Variants in CLNK observed in about 807,000 individuals in gnomAD.
The protein encoded by CLNK is cytokine dependent hematopoietic cell linker.
A neutral mutation model predicts 68.6 loss-of-function variants in CLNK; 74 were observed. That is an observed-to-expected ratio of 1.08 (90% CI 0.89 to 1.31). The LOEUF is 1.31. Among genes scored for constraint, CLNK ranks in the 50% most tolerant of loss-of-function variants. The pLI, the probability that CLNK is intolerant of heterozygous loss-of-function variation, is 0.00. For missense variants in CLNK, 553 were observed against 515.3 expected (o/e 1.07, Z -0.71); for synonymous variants, 198 against 172.2 (o/e 1.15, Z -1.17).
At chr4:10,510,597 G>A (rs1382081410) in intron 16 of CLNK, among the ~76,000 whole-genome samples, 6 of 152,150 alleles carry the variant, frequency 3.9e-5, no homozygotes, top group Admixed American at 2.0e-4. Flanking sequence ...GGTCAGACAC[G>A]CCTCATAGCT....
chr4:10,679,387 A>ATGTT (rs1725003613), intron 1 of CLNK, among the ~76,000 whole-genome samples: 1 of 152,272 alleles, frequency 6.6e-6, no homozygotes, highest in Non-Finnish European at 1.5e-5. Context: ...AAAGACTTAC[A>ATGTT]TGTTAGACCT....
At chr4:10,728,000 T>A in the CLNK span, among the ~76,000 whole-genome samples, 1 of 152,146 alleles carries the variant, frequency 6.6e-6, no homozygotes, top group Non-Finnish European at 1.5e-5. Context: ...TACACATGGA[T>A]AGACACGAAA....
At chr4:10,650,939 A>G (rs1247509005) in intron 2 of CLNK, among the ~76,000 whole-genome samples, 1 of 152,222 alleles carries the variant, frequency 6.6e-6, no homozygotes, top group Non-Finnish European at 1.5e-5. Context: ...CGGTCAACAA[A>G]CATGAAAAAA....
intron 2 of CLNK, among the ~76,000 whole-genome samples, chr4:10,622,463 C>T (rs773911168): frequency 1.3e-4 from 20 of 152,184 alleles, no homozygotes; most frequent in Non-Finnish European, 2.8e-4. Flanking sequence ...CAACTCATGG[C>T]TAACTGCAAT....
chr4:10,686,396 G>T (rs1460238930), upstream of CLNK, among the ~76,000 whole-genome samples: 1 of 151,982 alleles, frequency 6.6e-6, no homozygotes, highest in Admixed American at 6.6e-5. Flanking sequence ...AACAAGACCT[G>T]ATCATCTGGT....
chr4:10,709,718 A>G, the CLNK span, among the ~76,000 whole-genome samples: 1 of 152,180 alleles, frequency 6.6e-6, no homozygotes, highest in Admixed American at 6.5e-5. Context: ...CCAGGCCTCC[A>G]GGACTGCACA....
chr4:10,555,825 C>A (rs1042695988), intron 8 of CLNK, among the ~76,000 whole-genome samples: 1 of 150,932 alleles, frequency 6.6e-6, no homozygotes, highest in African/African-American at 2.4e-5. Context: ...CATTTTTAAG[C>A]AAGATGCCTG....
At chr4:10,703,399 A>T in the CLNK span, among the ~76,000 whole-genome samples, 3 of 152,170 alleles carry the variant, frequency 2.0e-5, no homozygotes, top group African/African-American at 7.2e-5. Flanking sequence ...CTCAGGAGAA[A>T]CACGTTTTGG....
chr4:10,711,350 G>A, the CLNK span, among the ~76,000 whole-genome samples: 1 of 152,052 alleles, frequency 6.6e-6, no homozygotes, highest in East Asian at 1.9e-4. Context: ...TTCTAACTTG[G>A]GTCTTCAATC....
rs148999826 is a variant in CLNK at position 10,489,181 on chromosome 4, C to G, written c.*1286G>C. 1.4e-3 allele frequency: 220 copies of G among 152,264 alleles called. 1 individual carries two copies. The highest frequency in any genetic ancestry group is 5.2e-3 in the African/African-American group (215 of 41,544). 9.4% of individuals were successfully genotyped at this position (152,264 alleles called of 1,614,324 possible). On this transcript the variant is annotated 3_prime_UTR_variant, in exon 19 of 19. Transcript: ENST00000226951. The stretch of plus-strand genomic sequence containing the variant: ...GGCAAAGCAGATTACAATCTGGGCT[C>G]TCTTCTCATATTGAGTAAGATCAAT...
At chr4:10,663,441 G>A (rs1724270505) in intron 2 of CLNK, among the ~76,000 whole-genome samples, 1 of 152,132 alleles carries the variant, frequency 6.6e-6, no homozygotes, top group South Asian at 2.1e-4. Flanking sequence ...TGAGGGCAGG[G>A]ACTAGATCTT....
intron 17 of CLNK, among the ~76,000 whole-genome samples, chr4:10,504,429 T>C (rs563695397): frequency 6.6e-6 from 1 of 152,248 alleles, no homozygotes; most frequent in Admixed American, 6.5e-5. Flanking sequence ...GCCATAAACG[T>C]TGGGTTCTTT....
intron 14 of CLNK, among the ~76,000 whole-genome samples, chr4:10,525,078 T>C: frequency 6.6e-6 from 1 of 152,200 alleles, no homozygotes; most frequent in East Asian, 1.9e-4. Context: ...CCTTGGCTTC[T>C]TTTCTTTATA....
the CLNK span, among the ~76,000 whole-genome samples, chr4:10,719,325 C>T: frequency 6.6e-6 from 1 of 151,952 alleles, no homozygotes; most frequent in Non-Finnish European, 1.5e-5. Context: ...TATAATAATA[C>T]AGGCAGTTTG....
intron 13 of CLNK, 81 bp from the exon 14 acceptor site, chr4:10,526,003 A>G: frequency 1.3e-6 from 1 of 763,014 alleles, no homozygotes; most frequent in Non-Finnish European, 2.2e-6. Context: ...TGGAACTACT[A>G]TAATTTCCTC....
At chr4:10,560,894 C>A (rs1359210136) in intron 7 of CLNK, among the ~76,000 whole-genome samples, 14 of 151,892 alleles carry the variant, frequency 9.2e-5, no homozygotes, top group African/African-American at 3.4e-4. Context: ...TGAAACTCCT[C>A]CCCCACCTCT....
chr4:10,570,338 A>G (rs959419970), intron 5 of CLNK, among the ~76,000 whole-genome samples: 12 of 152,188 alleles, frequency 7.9e-5, no homozygotes, highest in Non-Finnish European at 2.9e-5. Context: ...CACTCCAGGT[A>G]AGAAGAGACT....
At chr4:10,710,307 A>C in the CLNK span, among the ~76,000 whole-genome samples, 1 of 152,156 alleles carries the variant, frequency 6.6e-6, no homozygotes, top group African/African-American at 2.4e-5. Context: ...GGGAGTGATG[A>C]GAGACCAAGA....
At chr4:10,556,220 T>G (rs1469802132) in intron 8 of CLNK, among the ~76,000 whole-genome samples, 7 of 152,254 alleles carry the variant, frequency 4.6e-5, no homozygotes, top group Non-Finnish European at 7.3e-5. Context: ...CTGGTTTGTT[T>G]CTTGTAATGG....
Sources: allele counts gnomAD v4.1 joint callset (sites outside exome capture counted in the v4.1 genomes callset), GRCh38; gene constraint gnomAD v4.1.1; transcripts MANE v1.5; gene names NCBI Gene and HGNC (gene_info 2026-07-23, HGNC 2026-07-21).